Variants in DPY19L2 observed in about 807,000 individuals in gnomAD.
The protein encoded by DPY19L2 is probable C-mannosyltransferase DPY19L2.
In DPY19L2, 34 loss-of-function variants were observed where a neutral mutation model predicts 97.9. That is an observed-to-expected ratio of 0.35 (90% CI 0.26 to 0.46). The LOEUF is 0.46. Among genes scored for constraint, DPY19L2 ranks in the 20% least tolerant of loss-of-function variants. The pLI is 1.00. For missense variants in DPY19L2, 623 were observed against 911.4 expected (o/e 0.68, Z 4.07); for synonymous variants, 230 against 307.9 (o/e 0.75, Z 2.65).
At chr12:63,570,378 G>A (rs1253408395) in intron 20 of DPY19L2, among the ~76,000 whole-genome samples, 1 of 152,112 alleles carries the variant, frequency 6.6e-6, no homozygotes, top group Non-Finnish European at 1.5e-5. Flanking sequence ...TTAAATCAGA[G>A]TGGGGCTTGT....
intron 16 of DPY19L2, among the ~76,000 whole-genome samples, chr12:63,590,741 A>G (rs1173588159): frequency 6.6e-6 from 1 of 152,130 alleles, no homozygotes; most frequent in Non-Finnish European, 1.5e-5. Context: ...AGGGGAGCAG[A>G]TCTAAGAGAG....
intron 21 of DPY19L2, among the ~76,000 whole-genome samples, chr12:63,561,587 C>A (rs1876527789): frequency 6.6e-6 from 1 of 151,772 alleles, no homozygotes; most frequent in African/African-American, 2.4e-5. Flanking sequence ...GTAGTTCCTA[C>A]AACTTCTGTT....
At chr12:63,600,428 C>T (rs772196185) in intron 12 of DPY19L2, 42 bp from the exon 13 acceptor site, 2 of 1,389,232 alleles carry the variant, frequency 1.4e-6, no homozygotes, top group Admixed American at 1.7e-5. Context: ...AACTACAAAT[C>T]ACCCAGCTAA....
chr12:63,607,814 G>A (rs1886312057), intron 12 of DPY19L2, among the ~76,000 whole-genome samples: 2 of 151,978 alleles, frequency 1.3e-5, no homozygotes, highest in Admixed American at 1.3e-4. Context: ...TCTATTTTTT[G>A]TAGAGATGGG....
chr12:63,640,512 T>C (rs61936115), intron 6 of DPY19L2, among the ~76,000 whole-genome samples: 25,953 of 152,030 alleles, frequency 0.17, 2,249 homozygotes, highest in Middle Eastern at 0.23. Context: ...AGAAGCGGAA[T>C]ATCTACCTTC....
intron 19 of DPY19L2, among the ~76,000 whole-genome samples, chr12:63,574,335 TA>T (rs1879429545): frequency 6.6e-6 from 1 of 151,012 alleles, no homozygotes; most frequent in African/African-American, 2.4e-5. Context: ...GTACAAAAAA[TA>T]AAAAGCAATA....
intron 4 of DPY19L2, among the ~76,000 whole-genome samples, chr12:63,651,253 T>G (rs2203228): frequency 0.6 from 90,999 of 151,914 alleles, 27,395 homozygotes; most frequent in East Asian, 0.74. Flanking sequence ...AAAAATCAAC[T>G]CAAGATGAAT....
At chr12:63,606,191 T>C (rs1404992188) in intron 12 of DPY19L2, among the ~76,000 whole-genome samples, 1 of 152,150 alleles carries the variant, frequency 6.6e-6, no homozygotes, top group Non-Finnish European at 1.5e-5. Context: ...TATTTTATTC[T>C]TTCTAGGTAA....
chr12:63,592,007 A>AT (rs1883089858), intron 16 of DPY19L2, among the ~76,000 whole-genome samples: 1 of 2,712 alleles, frequency 3.7e-4, no homozygotes, highest in African/African-American at 1.7e-3. Context: ...AGGGGAAGGG[A>AT]GGGGAGGGGA....
At position 63,587,590 on chromosome 12, in the gene DPY19L2, T is replaced by TATTATTATTATC. The variant is rs1882023114; in HGVS notation, c.1581-3755_1581-3754insGATAATAATAAT. Among the ~76,000 whole-genome samples, 3 of 145,364 alleles carry TATTATTATTATC rather than the reference T, an allele frequency of 2.1e-5. No homozygotes were observed. The Admixed American group carries it at 2.1e-4, about 10-fold the overall frequency. On this transcript the variant is annotated intron_variant, in intron 16 of 21. Transcript: ENST00000324472. Reference sequence around the variant, plus strand: ...TTATTATTATTATTATTATTATTATTATTGAGACAGAGCCTCGCACTGTTG... The same window carrying TATTATTATTATC: ...TTATTATTATTATTATTATTATTATTATTATTATTATCATTGAGACAGAGCCTCGCACTGTTG...
At chr12:63,666,807 G>T (rs1896393850) in intron 1 of DPY19L2, among the ~76,000 whole-genome samples, 1 of 152,000 alleles carries the variant, frequency 6.6e-6, no homozygotes, top group Non-Finnish European at 1.5e-5. Flanking sequence ...TTTTATAATG[G>T]TATTTCTTAT....
intron 16 of DPY19L2, 93 bp from the exon 17 acceptor site, chr12:63,583,929 T>C (rs563757823): frequency 2.8e-6 from 3 of 1,070,792 alleles, no homozygotes; most frequent in Non-Finnish European, 4.1e-6. Flanking sequence ...CTTAGATTTT[T>C]AAAATGTGAC....
At chr12:63,630,224 C>A (rs1890348869) in intron 6 of DPY19L2, among the ~76,000 whole-genome samples, 1 of 152,032 alleles carries the variant, frequency 6.6e-6, no homozygotes, top group South Asian at 2.1e-4. Context: ...CAATATTAAC[C>A]TTAAATGTAA....
chr12:63,646,751 T>G (rs539477362), intron 5 of DPY19L2, among the ~76,000 whole-genome samples: 1 of 152,258 alleles, frequency 6.6e-6, no homozygotes, highest in Admixed American at 6.5e-5. Context: ...AAGAAACCAA[T>G]GTAGAAGATA....
chr12:63,609,100 G>A (rs1172106963), intron 11 of DPY19L2, among the ~76,000 whole-genome samples: 9 of 152,002 alleles, frequency 5.9e-5, no homozygotes, highest in Admixed American at 5.9e-4. Context: ...ATACTTATGT[G>A]AAAGAGAAAG....
chr12:63,606,433 T>C, intron 12 of DPY19L2, among the ~76,000 whole-genome samples: 1 of 152,156 alleles, frequency 6.6e-6, no homozygotes, highest in East Asian at 1.9e-4. Context: ...AATGTTTTCA[T>C]TATAAATGGG....
At chr12:63,586,712 C>CA (rs1881855353) in intron 16 of DPY19L2, among the ~76,000 whole-genome samples, 1 of 152,140 alleles carries the variant, frequency 6.6e-6, no homozygotes, top group Non-Finnish European at 1.5e-5. Flanking sequence ...AAAATACTGT[C>CA]AGACACACAG....
intron 16 of DPY19L2, chr12:63,591,016 T>C (rs1315505545): frequency 4.4e-6 from 2 of 455,038 alleles, no homozygotes; most frequent in Admixed American, 4.7e-5. Context: ...TCTTCTATTA[T>C]CCAATTAAAT....
chr12:63,653,234 G>C (rs769053105), intron 4 of DPY19L2, among the ~76,000 whole-genome samples: 1 of 151,960 alleles, frequency 6.6e-6, no homozygotes, highest in African/African-American at 2.4e-5. Context: ...GAAGGAGACA[G>C]GAAAGAGGCA....
Sources: gnomAD v4.1 joint callset for allele counts (sites outside exome capture counted in the v4.1 genomes callset) on GRCh38, gnomAD v4.1.1 for gene constraint, MANE v1.5 for transcripts, NCBI Gene and HGNC (gene_info 2026-07-23, HGNC 2026-07-21) for gene names.